Variants in C10orf90 observed in about 807,000 individuals in gnomAD.
C10orf90 encodes the protein (E2-independent) E3 ubiquitin-conjugating enzyme FATS.
In C10orf90, 56 loss-of-function variants were observed where a neutral mutation model predicts 62.5. That is an observed-to-expected ratio of 0.90 (90% CI 0.72 to 1.12). The LOEUF is 1.12. Ranked by LOEUF, C10orf90 falls within the 50% of genes most tolerant of loss-of-function variation. C10orf90 has a pLI of 0.00. For synonymous variants in C10orf90, 386 were observed against 340.4 expected (o/e 1.13, Z -1.47); for missense variants, 970 against 880.4 (o/e 1.10, Z -1.29).
intron 2 of C10orf90, chr10:126,521,204 G>T: frequency 7.0e-7 from 1 of 1,438,338 alleles, no homozygotes; most frequent in Non-Finnish European, 9.7e-7. Flanking sequence ...GCCTCATACA[G>T]TACTGGGCCC....
chr10:126,477,076 ATTTTTTTTTTTTTTTTTTTTTTT>A (rs551973906), intron 4 of C10orf90, among the ~76,000 whole-genome samples: 69 of 56,430 alleles, frequency 1.2e-3, no homozygotes, highest in Admixed American at 1.9e-3. Flanking sequence ...CGCCTGGCTA[ATTTTTTTTTTTTTTTTTTTTTTT>A]TTTTTTTTTT....
At chr10:126,512,411 T>A (rs575481098) in intron 3 of C10orf90, among the ~76,000 whole-genome samples, 2 of 125,314 alleles carry the variant, frequency 1.6e-5, no homozygotes, top group East Asian at 4.0e-4. Flanking sequence ...TGTCTGTGTG[T>A]CTGTGTGTGT....
At chr10:126,505,143 A>G in intron 3 of C10orf90, 58 bp from the exon 4 acceptor site, 1 of 1,517,700 alleles carries the variant, frequency 6.6e-7, no homozygotes. Flanking sequence ...TAGACAGTAA[A>G]CTCTCTTTCA....
intron 7 of C10orf90, among the ~76,000 whole-genome samples, chr10:126,443,085 C>T (rs1330937909): frequency 5.3e-5 from 8 of 152,044 alleles, no homozygotes; most frequent in South Asian, 2.1e-4. Context: ...GACATTCTAA[C>T]GTCGTCACAC....
intron 2 of C10orf90, among the ~76,000 whole-genome samples, chr10:126,563,319 C>T (rs1444600359): frequency 6.6e-6 from 1 of 152,196 alleles, no homozygotes; most frequent in African/African-American, 2.4e-5. Context: ...CTTGAGACCC[C>T]AGCTTTTACC....
At chr10:126,461,682 G>C in intron 5 of C10orf90, 97 bp from the exon 6 acceptor site, 9 of 1,203,660 alleles carry the variant, frequency 7.5e-6, no homozygotes, top group Non-Finnish European at 4.6e-6. Context: ...TTTGAAAATA[G>C]AAACGCCAGT....
At chr10:126,503,402 G>C (rs964403715) in intron 4 of C10orf90, among the ~76,000 whole-genome samples, 2 of 152,122 alleles carry the variant, frequency 1.3e-5, no homozygotes, top group East Asian at 3.9e-4. Flanking sequence ...TCCCTGACTT[G>C]CCTAATTTAG....
rs751427323 is a variant in C10orf90, at chr10:126,504,667, G to T, written c.824C>A (p.Pro275Gln). ...TGGATGGGCGCCATTGGCCAGAGCC[G>T]GGGGCGCCTGGAACAGTGTGTCCTC... ...RAEDTLFQAP[P>Q]ALANGAHPGR... The change falls in exon 4 of 10, where the codon CCG becomes CAG. Residue 275 changes from proline to glutamine, a missense_variant. Coordinates refer to ENST00000488181, the MANE Select transcript of C10orf90 (RefSeq NM_001350921.2). The surrounding 1 kb of genome is among the most constrained non-coding windows in gnomAD (Gnocchi z 4.1). The T allele has an allele frequency of 6.2e-7, 1 of 1,614,116 alleles. No individual in the cohort carries two copies. The highest frequency in any genetic ancestry group is 2.2e-5 in the East Asian group (1 of 44,868).
intron 7 of C10orf90, among the ~76,000 whole-genome samples, chr10:126,432,811 T>A (rs1239046531): frequency 6.6e-6 from 1 of 152,168 alleles, no homozygotes; most frequent in Non-Finnish European, 1.5e-5. Context: ...TCAACCAAAG[T>A]CTCCAGATGA....
chr10:126,582,870 T>G (rs971910533), intron 2 of C10orf90, among the ~76,000 whole-genome samples: 1 of 152,174 alleles, frequency 6.6e-6, no homozygotes, highest in Non-Finnish European at 1.5e-5. Flanking sequence ...TCACCACTCT[T>G]AGGAAGAAGC....
rs1859304100 is a variant in C10orf90, at chr10:126,453,013, C to T, written c.2188+6027G>A. On this transcript the variant is annotated intron_variant, in intron 7 of 9. Transcript: ENST00000488181. The surrounding 1 kb of genome is among the most constrained non-coding windows in gnomAD (Gnocchi z 4.9). ...TCTTTATTACTGAGATAACTGCCAC[C>T]TCTGTCTCCTGTCTCCTGGGTCGCA... Among the ~76,000 whole-genome samples, 2 of 152,164 alleles carry T rather than the reference C, an allele frequency of 1.3e-5. No homozygotes were observed. Among genetic ancestry groups the T allele is most frequent in the South Asian group, 4.1e-4 (2 of 4,824 alleles).
chr10:126,492,906 G>GA (rs1312074534), intron 4 of C10orf90, among the ~76,000 whole-genome samples: 1 of 152,108 alleles, frequency 6.6e-6, no homozygotes, highest in Non-Finnish European at 1.5e-5. Context: ...TCTGGCTTCA[G>GA]AAAATCACAT....
Position 126,646,612 on chromosome 10 carries a change from G to A in C10orf90, c.266C>T (p.Pro89Leu), listed in dbSNP as rs770143187. The A allele has an allele frequency of 2.2e-6, 1 of 449,192 alleles. No individual in the cohort carries two copies. Among genetic ancestry groups the A allele is most frequent in the South Asian group, 1.6e-5 (1 of 62,746 alleles). 27.8% of individuals were successfully genotyped at this position (449,192 alleles called of 1,614,324 possible). Residue 89 changes from proline to leucine, a missense_variant, in exon 2 of 10, where the codon CCC becomes CTC. Physicochemically the swap from Pro to Leu is moderately conservative, Grantham distance 98. Coordinates refer to ENST00000488181, the MANE Select transcript of C10orf90 (RefSeq NM_001350921.2). ...YEIHSRLFSS[P>L]KDHSAWERNE... The stretch of plus-strand genomic sequence containing the variant: ...TCTTTCCCAGGCAGAATGATCTTTG[G>A]GGGATGAGAAGAGTCGACTGTGGAT...
intron 2 of C10orf90, among the ~76,000 whole-genome samples, chr10:126,592,985 G>C (rs190616924): frequency 5.9e-5 from 9 of 152,304 alleles, no homozygotes; most frequent in Non-Finnish European, 1.3e-4. Flanking sequence ...ACCACAATAA[G>C]ATACCATGTC....
intron 7 of C10orf90, among the ~76,000 whole-genome samples, chr10:126,439,470 A>G (rs1858158944): frequency 6.6e-6 from 1 of 152,238 alleles, no homozygotes; most frequent in Non-Finnish European, 1.5e-5. Context: ...AACTGACCCC[A>G]AAGAAATAGG....
chr10:126,611,550 G>A lies in C10orf90; in HGVS notation c.313+35015C>T, dbSNP rs1356912349. ...TATGGTAATTCTACATTTAACCTTT[G>A]GAGGAGCTGCCAGATTATTTTCCAA... On this transcript the variant is annotated intron_variant, in intron 2 of 9. Transcript: ENST00000488181. 2.0e-5 allele frequency among the ~76,000 whole-genome samples: 3 copies of A among 152,286 alleles called. No individual in the cohort carries two copies. In the East Asian group the frequency reaches 5.8e-4, roughly 29 times the overall value.
chr10:126,477,104 T>A (rs1341365635), intron 4 of C10orf90, among the ~76,000 whole-genome samples: 13 of 111,454 alleles, frequency 1.2e-4, no homozygotes, highest in South Asian at 3.3e-4. Flanking sequence ...TTTTTTTTTT[T>A]TTTTTTTTTT....
intron 1 of C10orf90, 124 bp downstream of exon 1, chr10:126,670,117 G>A (rs567102506): frequency 2.8e-6 from 1 of 351,108 alleles, no homozygotes; most frequent in Non-Finnish European, 5.6e-6. Context: ...CCTTAGGGAA[G>A]TCTACAAACA....
At chr10:126,528,984 G>T (rs936249190) in intron 2 of C10orf90, among the ~76,000 whole-genome samples, 1 of 152,146 alleles carries the variant, frequency 6.6e-6, no homozygotes, top group African/African-American at 2.4e-5. Context: ...AGAAAGGTAG[G>T]TCATTGCTAC....
Sources: allele counts gnomAD v4.1 joint callset (sites outside exome capture counted in the v4.1 genomes callset), GRCh38; gene constraint gnomAD v4.1.1; non-coding constraint Gnocchi (gnomAD v3.1); transcripts MANE v1.5; gene names NCBI Gene and HGNC (gene_info 2026-07-23, HGNC 2026-07-21).